The following NLGN1 variants were observed in gnomAD, a reference collection of about 807,000 sequenced individuals.
NLGN1 encodes the protein neuroligin-1.
NLGN1 carries 12 observed loss-of-function variants against 65.5 expected under a neutral mutation model. That is an observed-to-expected ratio of 0.18 (90% CI 0.12 to 0.30). The LOEUF is 0.30. Ranked by LOEUF, NLGN1 falls within the 10% of genes least tolerant of loss-of-function variation. NLGN1 has a pLI of 1.00. For missense variants in NLGN1, 750 were observed against 1,007.1 expected (o/e 0.74, Z 3.46); for synonymous variants, 350 against 359.5 (o/e 0.97, Z 0.30).
intron 4 of NLGN1, among the ~76,000 whole-genome samples, chr3:174,274,508 CT>C (rs1750147428): frequency 6.6e-6 from 1 of 151,706 alleles, no homozygotes; most frequent in Non-Finnish European, 1.5e-5. Context: ...ACTCTCTCCC[CT>C]ACCTCCGTTT....
intron 2 of NLGN1, among the ~76,000 whole-genome samples, chr3:173,583,875 TAC>T (rs1280024132): frequency 1.3e-5 from 2 of 152,036 alleles, no homozygotes; most frequent in Non-Finnish European, 2.9e-5. Flanking sequence ...TATCTAAGAA[TAC>T]ACACACACAC....
chr3:173,776,658 G>T (rs1780341744), intron 3 of NLGN1, among the ~76,000 whole-genome samples: 2 of 151,844 alleles, frequency 1.3e-5, no homozygotes, highest in Admixed American at 6.6e-5. Flanking sequence ...GATGTAAATT[G>T]GGCAGGTATG....
At chr3:174,148,030 T>G (rs1723668356) in intron 4 of NLGN1, among the ~76,000 whole-genome samples, 1 of 152,178 alleles carries the variant, frequency 6.6e-6, no homozygotes, top group Non-Finnish European at 1.5e-5. Flanking sequence ...GAAGAACACT[T>G]CTACAAAAGA....
In NLGN1 at chr3:173,952,562, G is replaced by T. The variant is rs927488124; in HGVS notation, c.646+144730G>T. Among the ~76,000 whole-genome samples, 3 of 152,110 alleles carry T rather than the reference G, an allele frequency of 2.0e-5. No homozygotes were observed. The East Asian group carries it at 5.8e-4, about 29-fold the overall frequency. On this transcript the variant is annotated intron_variant, in intron 4 of 6. Transcript: ENST00000457714. The stretch of plus-strand genomic sequence containing the variant: ...AGAAGTCTGATTAATAGAGTCGTCT[G>T]TACTTTGGTTATTTCATCTACGAAG...
intron 2 of NLGN1, among the ~76,000 whole-genome samples, chr3:173,594,428 A>G (rs1749092016): frequency 6.6e-6 from 1 of 152,174 alleles, no homozygotes; most frequent in African/African-American, 2.4e-5. Flanking sequence ...TCCAGGTCAC[A>G]CTGATGCAAG....
At chr3:173,463,523 CA>C (rs1294826739) in intron 2 of NLGN1, among the ~76,000 whole-genome samples, 2 of 152,138 alleles carry the variant, frequency 1.3e-5, no homozygotes, top group African/African-American at 2.4e-5. Context: ...TGCCAATTAT[CA>C]TTCATTTATT....
chr3:173,529,841 G>A (rs1736261317), intron 2 of NLGN1, among the ~76,000 whole-genome samples: 1 of 152,166 alleles, frequency 6.6e-6, no homozygotes, highest in Non-Finnish European at 1.5e-5. Flanking sequence ...TAGCTGTGGT[G>A]GAGTTGGCTG....
At chr3:173,873,089 G>A (rs979825047) in intron 4 of NLGN1, among the ~76,000 whole-genome samples, 1 of 149,590 alleles carries the variant, frequency 6.7e-6, no homozygotes, top group African/African-American at 2.5e-5. Flanking sequence ...ATGTATGATG[G>A]ATTTTTTTTT....
intron 3 of NLGN1, among the ~76,000 whole-genome samples, chr3:173,771,819 G>A (rs936578489): frequency 2.1e-4 from 32 of 151,528 alleles, no homozygotes; most frequent in Non-Finnish European, 2.9e-4. Context: ...GGAGCCTTTC[G>A]GGCAGAAAAT....
intron 4 of NLGN1, among the ~76,000 whole-genome samples, chr3:174,183,562 CAG>C (rs1730830359): frequency 6.6e-6 from 1 of 151,982 alleles, no homozygotes; most frequent in Non-Finnish European, 1.5e-5. Flanking sequence ...CAGTACACAA[CAG>C]AAGTAAATGT....
chr3:174,045,026 G>A (rs536303404), intron 4 of NLGN1, among the ~76,000 whole-genome samples: 1 of 152,080 alleles, frequency 6.6e-6, no homozygotes, highest in South Asian at 2.1e-4. Context: ...ACCCATTCTT[G>A]GGCAGTCCTT....
intron 2 of NLGN1, among the ~76,000 whole-genome samples, chr3:173,539,624 T>G (rs1210970866): frequency 6.7e-4 from 37 of 55,040 alleles, no homozygotes; most frequent in East Asian, 6.3e-3. Flanking sequence ...TATTATATAT[T>G]TATATATACA....
chr3:173,508,527 T>C (rs1044895029), intron 2 of NLGN1, among the ~76,000 whole-genome samples: 2 of 152,136 alleles, frequency 1.3e-5, no homozygotes, highest in African/African-American at 4.8e-5. Flanking sequence ...CATTATTACA[T>C]CTTAGAAGTG....
intron 2 of NLGN1, among the ~76,000 whole-genome samples, chr3:173,464,005 AAAAC>A (rs1381130555): frequency 1.3e-5 from 2 of 152,118 alleles, no homozygotes; most frequent in Admixed American, 6.5e-5. Flanking sequence ...ATATTAAAAA[AAAAC>A]CTCTTAACAT....
In NLGN1 at chr3:173,918,630, CAAAAAAA is replaced by C. The variant is rs558281371; in HGVS notation, c.646+110812_646+110818del. On this transcript the variant is annotated intron_variant, in intron 4 of 6. Coordinates refer to ENST00000457714, the Ensembl canonical transcript of NLGN1. ...CCTGGGTGACAGTGAGACTCCATCT[CAAAAAAA>C]AAAAAAAAAAAAAGAAATACATATG... Among the ~76,000 whole-genome samples the C allele has an allele frequency of 2.3e-4, 14 of 61,460 alleles. No homozygotes were observed. The Admixed American group carries it at 2.8e-3, about 12-fold the overall frequency. The allele number at this position is 61,460 out of a possible 152,430, so 40.3% of individuals were successfully genotyped here.
intron 4 of NLGN1, among the ~76,000 whole-genome samples, chr3:174,187,653 C>G (rs532836656): frequency 1.3e-5 from 2 of 152,026 alleles, no homozygotes; most frequent in African/African-American, 2.4e-5. Flanking sequence ...GCCAGGAGAT[C>G]GGAAATTATT....
intron 2 of NLGN1, among the ~76,000 whole-genome samples, chr3:173,497,553 G>A (rs1177311074): frequency 6.6e-6 from 1 of 151,466 alleles, no homozygotes; most frequent in Non-Finnish European, 1.5e-5. Flanking sequence ...CTATTTCATA[G>A]CATAATTTTA....
chr3:173,402,876 G>A (rs886702468), intron 1 of NLGN1, among the ~76,000 whole-genome samples: 9 of 152,028 alleles, frequency 5.9e-5, no homozygotes, highest in African/African-American at 1.2e-4. Context: ...CATCATGGTC[G>A]GTCCCTTGAG....
chr3:174,237,848 C>CGT, intron 4 of NLGN1, among the ~76,000 whole-genome samples: 1 of 152,254 alleles, frequency 6.6e-6, no homozygotes, highest in African/African-American at 2.4e-5. Context: ...TGAGCCACCA[C>CGT]GCCTGGCCAG....
Sources: gnomAD v4.1 joint callset for allele counts (sites outside exome capture counted in the v4.1 genomes callset) on GRCh38, gnomAD v4.1.1 for gene constraint, MANE v1.5 for transcripts, NCBI Gene and HGNC (gene_info 2026-07-23, HGNC 2026-07-21) for gene names.